FBXO42: variants seen among roughly 807,000 people sequenced by gnomAD.
FBXO42 encodes the protein F-box only protein 42.
In FBXO42, 12 loss-of-function variants were observed where a neutral mutation model predicts 71.7. That is an observed-to-expected ratio of 0.17 (90% CI 0.11 to 0.27). The LOEUF is 0.27. FBXO42 is among the 10% of genes least tolerant of loss of function. FBXO42 has a pLI of 1.00. For missense variants in FBXO42, 707 were observed against 911.9 expected (o/e 0.78, Z 2.89); for synonymous variants, 325 against 327.5 (o/e 0.99, Z 0.08).
intron 2 of FBXO42, among the ~76,000 whole-genome samples, chr1:16,313,032 C>A (rs1057241031): frequency 2.0e-5 from 3 of 151,908 alleles, no homozygotes; most frequent in South Asian, 2.1e-4. Context: ...TGATCTCAGG[C>A]GATCCGCCCA....
At chr1:16,330,348 CCT>C (rs916678215) in intron 1 of FBXO42, among the ~76,000 whole-genome samples, 3 of 142,322 alleles carry the variant, frequency 2.1e-5, no homozygotes, top group African/African-American at 8.0e-5. Flanking sequence ...CAGACTAGGC[CCT>C]GTTTCCACAA....
At chr1:16,341,823 T>C (rs903973602) in intron 1 of FBXO42, among the ~76,000 whole-genome samples, 2 of 149,518 alleles carry the variant, frequency 1.3e-5, no homozygotes, top group African/African-American at 4.9e-5. Flanking sequence ...AATACAAAAT[T>C]AGCCAGGCAT....
chr1:16,349,131 G>C (rs1288095237), intron 1 of FBXO42, among the ~76,000 whole-genome samples: 1 of 139,444 alleles, frequency 7.2e-6, no homozygotes, highest in Non-Finnish European at 1.7e-5. Context: ...GAATAAAAGG[G>C]GAAAAGAACC....
At chr1:16,344,019 C>G (rs910904288) in intron 1 of FBXO42, among the ~76,000 whole-genome samples, 1 of 149,282 alleles carries the variant, frequency 6.7e-6, no homozygotes, top group Non-Finnish European at 1.5e-5. Context: ...TTTTTTGAAA[C>G]AGAGTTTCAC....
In FBXO42 at chr1:16,350,577, A is replaced by C. The variant is rs1376061175; in HGVS notation, c.-18+1678T>G. The stretch of plus-strand genomic sequence containing the variant: ...ACCCCGTCTCTACTAAAATTACAAA[A>C]AAAAAAAAAAAAAAAAAAAAATTAG... On this transcript the variant is annotated intron_variant, in intron 1 of 9. Coordinates refer to ENST00000375592, the MANE Select transcript of FBXO42 (RefSeq NM_018994.3). Among the ~76,000 whole-genome samples the C allele has an allele frequency of 6.7e-3, 601 of 89,614 alleles. 1 individual carries two copies. The highest frequency in any genetic ancestry group is 0.026 in the African/African-American group (573 of 21,920). 58.8% of individuals were successfully genotyped at this position (89,614 alleles called of 152,430 possible). A position where few individuals can be genotyped will look rare whatever the true frequency, so the allele number is the denominator to read the frequency against.
intron 3 of FBXO42, among the ~76,000 whole-genome samples, chr1:16,299,652 A>ATTG (rs1416253951): frequency 2.4e-4 from 36 of 151,830 alleles, no homozygotes. Context: ...TATTATTATT[A>ATTG]TTATTTTTTT....
chr1:16,347,820 T>C (rs1170675792), intron 1 of FBXO42, among the ~76,000 whole-genome samples: 1 of 151,986 alleles, frequency 6.6e-6, no homozygotes, highest in African/African-American at 2.4e-5. Flanking sequence ...AAACCCTGTC[T>C]TTACTAAAAA....
At position 16,251,909 on chromosome 1, in the gene FBXO42, A is replaced by G. The variant is rs2081596253; in HGVS notation, c.1039-124T>C. The G allele has an allele frequency of 8.1e-7, 1 of 1,234,322 alleles. No homozygotes were observed. Among genetic ancestry groups the G allele is most frequent in the Non-Finnish European group, 1.1e-6 (1 of 901,474 alleles). 76.5% of individuals were successfully genotyped at this position (1,234,322 alleles called of 1,614,324 possible). Reference sequence around the variant, plus strand: ...TTTTGTAGGTACCTGAGATATGAAGATGAAAATGATGTAGTCTGCCCTCTA... The same window carrying G: ...TTTTGTAGGTACCTGAGATATGAAGGTGAAAATGATGTAGTCTGCCCTCTA... On this transcript the variant is annotated intron_variant, in intron 9 of 9. Coordinates refer to ENST00000375592, the MANE Select transcript of FBXO42 (RefSeq NM_018994.3). This position sits in a 1 kb window ranked among gnomAD's most constrained non-coding sequence, Gnocchi z 4.5.
chr1:16,251,915 A>C lies in FBXO42; in HGVS notation c.1039-130T>G. 1.7e-6 allele frequency: 2 copies of C among 1,195,706 alleles called. No individual in the cohort carries two copies. Among genetic ancestry groups the C allele is most frequent in the Non-Finnish European group, 2.3e-6 (2 of 868,282 alleles). The allele number at this position is 1,195,706 out of a possible 1,614,324, so 74.1% of individuals were successfully genotyped here. A position where few individuals can be genotyped will look rare whatever the true frequency, so the allele number is the denominator to read the frequency against. On this transcript the variant is annotated intron_variant, in intron 9 of 9. Transcript: ENST00000375592. This position sits in a 1 kb window ranked among gnomAD's most constrained non-coding sequence, Gnocchi z 4.5. ...AGGTACCTGAGATATGAAGATGAAA[A>C]TGATGTAGTCTGCCCTCTAGGCTAG...
chr1:16,348,380 C>T (rs984094735), intron 1 of FBXO42, among the ~76,000 whole-genome samples: 1 of 152,134 alleles, frequency 6.6e-6, no homozygotes, highest in Non-Finnish European at 1.5e-5. Flanking sequence ...ACTAGCAACA[C>T]CAATCCACAT....
Position 16,251,307 on chromosome 1 carries a change from A to G in FBXO42, c.1517T>C (p.Leu506Pro). ...RLGSIDLNWD[L>P]KPASSSNPMD... is the part of the protein sequence containing the mutation. ...GGGATTACTACTGGAAGCGGGTTTC[A>G]GATCCCAATTCAGATCTATGGATCC... The change falls in exon 10 of 10, where the codon CTG (leucine) becomes CCG (proline). Residue 506 changes from leucine to proline, a missense_variant. By Grantham distance (98) the Leu-to-Pro change is moderately conservative. Around this residue, in one of 5 missense-constraint regions of FBXO42, gnomAD observed 482 missense variants for 587.1 expected, o/e 0.82. Transcript: ENST00000375592. The surrounding 1 kb of genome is among the most constrained non-coding windows in gnomAD (Gnocchi z 4.5). 1.2e-6 allele frequency: 2 copies of G among 1,614,198 alleles called. No homozygotes were observed. Among genetic ancestry groups the G allele is most frequent in the Non-Finnish European group, 1.7e-6 (2 of 1,180,026 alleles).
At chr1:16,324,849 G>C (rs2082438006) in intron 1 of FBXO42, among the ~76,000 whole-genome samples, 1 of 152,052 alleles carries the variant, frequency 6.6e-6, no homozygotes, top group Non-Finnish European at 1.5e-5. Flanking sequence ...AAATAAAGAA[G>C]AGGTAGAATT....
intron 1 of FBXO42, among the ~76,000 whole-genome samples, chr1:16,350,878 T>G (rs373739577): frequency 6.6e-6 from 1 of 152,160 alleles, no homozygotes; most frequent in Non-Finnish European, 1.5e-5. Context: ...TGGATCAATG[T>G]AGATTGAATC....
intron 4 of FBXO42, among the ~76,000 whole-genome samples, chr1:16,266,167 T>C (rs1569828512): frequency 6.6e-6 from 1 of 151,964 alleles, no homozygotes; most frequent in East Asian, 1.9e-4. Context: ...TTCATGGCTG[T>C]TTTCAAAGTA....
chr1:16,271,006 G>A lies in FBXO42; in HGVS notation c.503-14247C>T, dbSNP rs1231077599. Among the ~76,000 whole-genome samples the A allele has an allele frequency of 2.6e-5, 4 of 152,058 alleles. No individual in the cohort carries two copies. The East Asian group carries it at 7.7e-4, about 29-fold the overall frequency. Reference sequence around the variant, plus strand: ...AAGTTGTCCTTTCAAACTGTAGTTAGGGAATGCCTCACAGAGGGAGACATA... The same window carrying A: ...AAGTTGTCCTTTCAAACTGTAGTTAAGGAATGCCTCACAGAGGGAGACATA... On this transcript the variant is annotated intron_variant, in intron 4 of 9. Transcript: ENST00000375592.
intron 1 of FBXO42, among the ~76,000 whole-genome samples, chr1:16,348,517 T>C (rs2082672116): frequency 6.6e-6 from 1 of 151,510 alleles, no homozygotes; most frequent in Non-Finnish European, 1.5e-5. Flanking sequence ...GCCAATATGG[T>C]GAAATCCCAC....
chr1:16,326,536 T>G (rs891926286), intron 1 of FBXO42, among the ~76,000 whole-genome samples: 3 of 151,016 alleles, frequency 2.0e-5, no homozygotes, highest in African/African-American at 7.3e-5. Context: ...ATACAAAAAT[T>G]AGTGGGGTGT....
intron 1 of FBXO42, among the ~76,000 whole-genome samples, chr1:16,331,219 C>T (rs534894558): frequency 4.0e-5 from 6 of 148,172 alleles, no homozygotes; most frequent in Non-Finnish European, 5.9e-5. Flanking sequence ...CAAGACCATC[C>T]TGGCTAACAC....
intron 1 of FBXO42, among the ~76,000 whole-genome samples, chr1:16,323,310 C>T (rs199646590): frequency 1.3e-5 from 2 of 150,854 alleles, no homozygotes; most frequent in African/African-American, 2.4e-5. Flanking sequence ...CCCAGCTACT[C>T]GGGAGGCTGA....
Sources: gnomAD v4.1 joint callset for allele counts (sites outside exome capture counted in the v4.1 genomes callset) on GRCh38, gnomAD v4.1.1 for gene constraint, gnomAD v4.1.1 regional missense constraint, Gnocchi (gnomAD v3.1) non-coding constraint, MANE v1.5 for transcripts, NCBI Gene and HGNC (gene_info 2026-07-23, HGNC 2026-07-21) for gene names.